CHL1: variants seen among roughly 807,000 people sequenced by gnomAD.
CHL1 encodes neural cell adhesion molecule L1-like protein.
CHL1 carries 96 observed loss-of-function variants against 141.9 expected under a neutral mutation model. The observed-to-expected ratio is 0.68, with a 90% CI of 0.57 to 0.80. CHL1 has a LOEUF of 0.80. CHL1 is among the 30% of genes least tolerant of loss of function. The pLI, the probability that CHL1 is intolerant of heterozygous loss-of-function variation, is 0.00. For missense variants in CHL1, 1,820 were observed against 1,457.2 expected (o/e 1.25, Z -4.05); for synonymous variants, 613 against 502.2 (o/e 1.22, Z -2.95).
chr3:280,954 G>T (rs1483580536), intron 2 of CHL1, among the ~76,000 whole-genome samples: 1 of 151,776 alleles, frequency 6.6e-6, no homozygotes, highest in Non-Finnish European at 1.5e-5. Flanking sequence ...ACAACTGTTT[G>T]CTACAGGATT....
chr3:265,823 A>G (rs1695101012), intron 2 of CHL1, among the ~76,000 whole-genome samples: 3 of 152,154 alleles, frequency 2.0e-5, no homozygotes. Flanking sequence ...GTAAATTGGG[A>G]TAATCAACCT....
chr3:318,142 A>G (rs1700284415), intron 2 of CHL1, among the ~76,000 whole-genome samples: 1 of 151,898 alleles, frequency 6.6e-6, no homozygotes, highest in African/African-American at 2.4e-5. Context: ...TTGTTCTCAA[A>G]GTAAAGCATA....
chr3:270,377 G>C (rs955352319), intron 2 of CHL1, among the ~76,000 whole-genome samples: 4 of 152,098 alleles, frequency 2.6e-5, no homozygotes, highest in African/African-American at 9.7e-5. Context: ...TAAACCCTGG[G>C]ACTCAATATT....
intron 2 of CHL1, among the ~76,000 whole-genome samples, chr3:314,622 C>T (rs1174729617): frequency 6.6e-6 from 1 of 151,718 alleles, no homozygotes; most frequent in Non-Finnish European, 1.5e-5. Flanking sequence ...AGGATGGCTG[C>T]CATTTTACGT....
At chr3:375,416 A>G (rs1706189384) in intron 15 of CHL1, among the ~76,000 whole-genome samples, 1 of 152,072 alleles carries the variant, frequency 6.6e-6, no homozygotes, top group Middle Eastern at 3.4e-3. Flanking sequence ...TTGGCACCAA[A>G]TAGGAGCTGC....
intron 2 of CHL1, among the ~76,000 whole-genome samples, chr3:270,047 A>G (rs1035528834): frequency 1.3e-5 from 2 of 152,164 alleles, no homozygotes; most frequent in Admixed American, 6.5e-5. Flanking sequence ...GGTGCTAAAG[A>G]GGAAGGGGGA....
At chr3:387,962 G>T (rs1707893864) in intron 19 of CHL1, among the ~76,000 whole-genome samples, 2 of 152,038 alleles carry the variant, frequency 1.3e-5, no homozygotes, top group African/African-American at 4.8e-5. Context: ...TCTAATAAGT[G>T]TTTTAGTAAA....
At chr3:373,907 G>T (rs941709600) in intron 15 of CHL1, 2 of 152,464 alleles carry the variant, frequency 1.3e-5, no homozygotes, top group East Asian at 3.9e-4. Flanking sequence ...TCCTCTCCGC[G>T]GATCATGCCA....
chr3:211,195 C>T (rs1037474750), intron 1 of CHL1, among the ~76,000 whole-genome samples: 5 of 152,292 alleles, frequency 3.3e-5, no homozygotes, highest in Middle Eastern at 3.4e-3. Flanking sequence ...TCCTGCATTT[C>T]CTTCTATTTA....
At chr3:390,283 G>T (rs1708113754) in intron 20 of CHL1, among the ~76,000 whole-genome samples, 1 of 152,224 alleles carries the variant, frequency 6.6e-6, no homozygotes, top group Non-Finnish European at 1.5e-5. Context: ...TCACAGGGTT[G>T]TATGAACCAA....
At chr3:297,864 C>G (rs1428587276) in intron 2 of CHL1, among the ~76,000 whole-genome samples, 1 of 152,144 alleles carries the variant, frequency 6.6e-6, no homozygotes, top group African/African-American at 2.4e-5. Flanking sequence ...ACTCTTTACC[C>G]TGATGCAGGA....
At chr3:333,545 C>T (rs1347227301) in intron 5 of CHL1, among the ~76,000 whole-genome samples, 3 of 151,492 alleles carry the variant, frequency 2.0e-5, no homozygotes, top group Admixed American at 6.6e-5. Flanking sequence ...ACAGAATGTA[C>T]CATTTTTATA....
intron 1 of CHL1, chr3:197,828 G>C: frequency 4.4e-6 from 2 of 456,270 alleles, no homozygotes; most frequent in Non-Finnish European, 4.4e-6. Context: ...GATGCCGGTC[G>C]CGGATGGTCC....
intron 10 of CHL1, among the ~76,000 whole-genome samples, chr3:354,304 A>G (rs1188594530): frequency 6.6e-6 from 1 of 152,076 alleles, no homozygotes; most frequent in Admixed American, 6.6e-5. Flanking sequence ...AAATAAACTC[A>G]CCATCTGCTT....
At chr3:404,255 G>T (rs191946713) in intron 27 of CHL1, among the ~76,000 whole-genome samples, 1 of 152,136 alleles carries the variant, frequency 6.6e-6, no homozygotes, top group African/African-American at 2.4e-5. Context: ...TTCCATGGTG[G>T]CATATAACAC....
At chr3:338,777 G>A (rs948927113) in intron 5 of CHL1, among the ~76,000 whole-genome samples, 15 of 152,186 alleles carry the variant, frequency 9.9e-5, no homozygotes, top group African/African-American at 3.4e-4. Flanking sequence ...TTTATTGTTG[G>A]TGCCTTAGAA....
At chr3:334,909 A>C (rs1181038885) in intron 5 of CHL1, among the ~76,000 whole-genome samples, 3 of 152,198 alleles carry the variant, frequency 2.0e-5, no homozygotes, top group Admixed American at 6.5e-5. Flanking sequence ...TATTTATTTC[A>C]TTGATTTATT....
At chr3:278,897 G>A (rs1696389802) in intron 2 of CHL1, among the ~76,000 whole-genome samples, 1 of 152,194 alleles carries the variant, frequency 6.6e-6, no homozygotes, top group Non-Finnish European at 1.5e-5. Context: ...CATTGTGGAA[G>A]AAAAATCCAG....
chr3:389,439 A>T lies in CHL1; in HGVS notation c.2435A>T (p.Asp812Val), dbSNP rs149305957. ...QAINQLGSGP[D>V]PQSVTLYSGE... Reference sequence around the variant, plus strand: ...ATCAATCAACTAGGATCTGGGCCTGACCCTCAGTCAGTGACTCTCTATTCT... The same window carrying T: ...ATCAATCAACTAGGATCTGGGCCTGTCCCTCAGTCAGTGACTCTCTATTCT... Residue 812 changes from aspartate (D) to valine (V), a missense_variant, in exon 20 of 28, where the codon GAC becomes GTC. Asp to Val is a radical substitution (Grantham distance 152). Transcript: ENST00000256509. The T allele has an allele frequency of 6.2e-7, 1 of 1,614,152 alleles. No individual in the cohort carries two copies. Among genetic ancestry groups the T allele is most frequent in the African/African-American group, 1.3e-5 (1 of 75,030 alleles).
Sources: gnomAD v4.1 joint callset for allele counts (sites outside exome capture counted in the v4.1 genomes callset) on GRCh38, gnomAD v4.1.1 for gene constraint, MANE v1.5 for transcripts, NCBI Gene and HGNC (gene_info 2026-07-23, HGNC 2026-07-21) for gene names.